Variants in SGCZ observed in about 807,000 individuals in gnomAD.
The protein encoded by SGCZ is zeta-sarcoglycan.
A neutral mutation model predicts 41.3 loss-of-function variants in SGCZ; 40 were observed. The observed-to-expected ratio is 0.97, with a 90% confidence interval of 0.75 to 1.26. The LOEUF is 1.26. SGCZ is among the 50% of genes most tolerant of loss of function. The pLI is 0.00. For missense variants in SGCZ, 552 were observed against 369.8 expected (o/e 1.49, Z -4.04); for synonymous variants, 206 against 137.5 (o/e 1.50, Z -3.49).
At chr8:14,100,768 T>C (rs1801995716) in intron 7 of SGCZ, among the ~76,000 whole-genome samples, 1 of 151,814 alleles carries the variant, frequency 6.6e-6, no homozygotes, top group Non-Finnish European at 1.5e-5. Context: ...ATAACTGAGA[T>C]AAAAAAGGAA....
intron 1 of SGCZ, among the ~76,000 whole-genome samples, chr8:14,998,415 G>C (rs1802295585): frequency 6.6e-6 from 1 of 152,130 alleles, no homozygotes; most frequent in African/African-American, 2.4e-5. Context: ...ATATACATTT[G>C]TTACATAAGG....
chr8:14,771,761 G>A (rs1395567257), intron 1 of SGCZ, among the ~76,000 whole-genome samples: 3 of 151,976 alleles, frequency 2.0e-5, no homozygotes, highest in Non-Finnish European at 4.4e-5. Context: ...TTTATTTTGG[G>A]GGGTAAGACT....
chr8:15,044,260 G>T (rs146679749), intron 1 of SGCZ, among the ~76,000 whole-genome samples: 1 of 152,068 alleles, frequency 6.6e-6, no homozygotes, highest in Non-Finnish European at 1.5e-5. Context: ...TGACAAGGGG[G>T]CACTGTTAAA....
At chr8:15,050,723 G>A (rs1379891449) in intron 1 of SGCZ, among the ~76,000 whole-genome samples, 1 of 152,166 alleles carries the variant, frequency 6.6e-6, no homozygotes, top group Non-Finnish European at 1.5e-5. Flanking sequence ...TGAAGCTGAT[G>A]TGTGGAGAAG....
At chr8:14,722,524 C>T (rs1359922656) in intron 1 of SGCZ, among the ~76,000 whole-genome samples, 1 of 151,800 alleles carries the variant, frequency 6.6e-6, no homozygotes, top group Admixed American at 6.6e-5. Flanking sequence ...TATTTATGCA[C>T]ACAATATATG....
chr8:14,304,085 G>A (rs1376677357), intron 3 of SGCZ, among the ~76,000 whole-genome samples: 1 of 151,822 alleles, frequency 6.6e-6, no homozygotes, highest in Non-Finnish European at 1.5e-5. Context: ...CTTTACATTT[G>A]TGAAAAAAGG....
intron 1 of SGCZ, among the ~76,000 whole-genome samples, chr8:14,901,888 G>T (rs1003845193): frequency 4.6e-5 from 7 of 151,958 alleles, no homozygotes; most frequent in African/African-American, 1.7e-4. Flanking sequence ...AAATAAAGCA[G>T]GAAACAAAAC....
At chr8:15,161,522 G>C (rs1028655277) in intron 1 of SGCZ, among the ~76,000 whole-genome samples, 4 of 152,078 alleles carry the variant, frequency 2.6e-5, no homozygotes, top group Non-Finnish European at 5.9e-5. Flanking sequence ...CTCAGCAGTG[G>C]GCAGTGCCTG....
intron 1 of SGCZ, among the ~76,000 whole-genome samples, chr8:14,765,246 A>T (rs1049737341): frequency 6.6e-6 from 1 of 152,218 alleles, no homozygotes; most frequent in African/African-American, 2.4e-5. Flanking sequence ...TCCTAGACTC[A>T]TAAAAGAAGC....
intron 1 of SGCZ, among the ~76,000 whole-genome samples, chr8:14,750,355 A>G (rs1799459251): frequency 6.6e-6 from 1 of 152,182 alleles, no homozygotes; most frequent in Non-Finnish European, 1.5e-5. Flanking sequence ...GGTAATATAC[A>G]AAATAAATCA....
At chr8:14,800,469 G>C (rs2246822) in intron 1 of SGCZ, among the ~76,000 whole-genome samples, 54,895 of 152,048 alleles carry the variant, frequency 0.36, 11,740 homozygotes, top group East Asian at 0.5. Context: ...ACTTGATATG[G>C]TTTGGCTGCA....
chr8:15,105,820 G>A (rs964004146), intron 1 of SGCZ, among the ~76,000 whole-genome samples: 1 of 151,924 alleles, frequency 6.6e-6, no homozygotes, highest in African/African-American at 2.4e-5. Flanking sequence ...ATTGAGTGCT[G>A]TTATTTTTTT....
chr8:15,068,171 G>A (rs1173346286), intron 1 of SGCZ, among the ~76,000 whole-genome samples: 1 of 152,160 alleles, frequency 6.6e-6, no homozygotes, highest in Non-Finnish European at 1.5e-5. Context: ...AAGAAAATAA[G>A]GAGTAGAGGA....
chr8:14,144,440 G>A (rs1472781869), intron 5 of SGCZ, among the ~76,000 whole-genome samples: 4 of 152,282 alleles, frequency 2.6e-5, no homozygotes, highest in South Asian at 4.1e-4. Context: ...CCTGCTAACT[G>A]AAGAGCCCTT....
At chr8:14,119,944 T>G (rs1802648368) in intron 5 of SGCZ, among the ~76,000 whole-genome samples, 1 of 152,172 alleles carries the variant, frequency 6.6e-6, no homozygotes, top group African/African-American at 2.4e-5. Context: ...CTTTTTGATG[T>G]GCTGCTAGAT....
intron 1 of SGCZ, among the ~76,000 whole-genome samples, chr8:14,693,715 CA>C (rs1808874455): frequency 6.6e-6 from 1 of 151,336 alleles, no homozygotes; most frequent in South Asian, 2.1e-4. Flanking sequence ...CTCAGCCCCC[CA>C]AGTAGCTGGG....
At chr8:14,436,190 C>T (rs1800085921) in intron 2 of SGCZ, among the ~76,000 whole-genome samples, 1 of 152,116 alleles carries the variant, frequency 6.6e-6, no homozygotes, top group Admixed American at 6.5e-5. Context: ...TTCCTATTGG[C>T]CAAATCCACT....
At chr8:14,539,551 A>T (rs1803396251) in intron 2 of SGCZ, among the ~76,000 whole-genome samples, 2 of 151,890 alleles carry the variant, frequency 1.3e-5, no homozygotes, top group Non-Finnish European at 2.9e-5. Context: ...GCTTTTTTTT[A>T]AACTTATTTT....
intron 2 of SGCZ, among the ~76,000 whole-genome samples, chr8:14,336,785 A>C (rs538795327): frequency 7.9e-5 from 12 of 152,262 alleles, no homozygotes; most frequent in African/African-American, 2.9e-4. Flanking sequence ...GTCTCAAACA[A>C]AGTAATCATC....
Sources: allele counts gnomAD v4.1 joint callset (sites outside exome capture counted in the v4.1 genomes callset), GRCh38; gene constraint gnomAD v4.1.1; transcripts MANE v1.5; gene names NCBI Gene and HGNC (gene_info 2026-07-23, HGNC 2026-07-21).